C8orf74: variants seen among roughly 807,000 people sequenced by gnomAD.
The protein encoded by C8orf74 is uncharacterized protein C8orf74.
A neutral mutation model predicts 22.2 loss-of-function variants in C8orf74; 29 were observed. The observed-to-expected ratio is 1.31, with a 90% CI of 0.97 to 1.78. The LOEUF (loss-of-function observed/expected upper bound fraction) is 1.78, where lower values mean the gene tolerates loss of function less well. Ranked by LOEUF, C8orf74 falls within the 40% of genes most tolerant of loss-of-function variation. The pLI is 0.00. For synonymous variants in C8orf74, 255 were observed against 163.1 expected (o/e 1.56, Z -4.30); for missense variants, 515 against 369.9 (o/e 1.39, Z -3.22).
rs1271686530 is a variant in C8orf74 at position 10,700,306 on chromosome 8, G to A, written c.720G>A (p.Gln240=). Residue 240 remains glutamine (Q), a synonymous_variant, in exon 4 of 4, where the codon CAG becomes CAA. Transcript: ENST00000304519. ...TCCTGCAGGAGCTGCTGCAGCGCCA[G>A]ATCCAGAACACATTCGCCATCTTGG... is the stretch of plus-strand genomic sequence containing the variant. ...MELLQELLQR[Q]IQNTFAILDL... is the part of the protein sequence containing the mutation. 1 of 1,613,826 alleles carries A rather than the reference G, an allele frequency of 6.2e-7. No homozygotes were observed. The highest frequency in any genetic ancestry group is 1.7e-5 in the Admixed American group (1 of 60,004).
intron 2 of C8orf74, among the ~76,000 whole-genome samples, 153 bp from the exon 3 acceptor site, chr8:10,697,446 C>G (rs1799546264): frequency 1.3e-5 from 2 of 151,954 alleles, no homozygotes; most frequent in African/African-American, 4.8e-5. Flanking sequence ...TAGACCCCGT[C>G]TCAAAAAAAA....
chr8:10,674,623 A>G (rs1246231995), intron 1 of C8orf74, 23 bp from the exon 2 acceptor site: 2 of 1,574,934 alleles, frequency 1.3e-6, no homozygotes, highest in Non-Finnish European at 1.7e-6. Flanking sequence ...CATACCCTGC[A>G]GTTCCCATGT....
At chr8:10,673,713 G>A (rs1303186967) in intron 1 of C8orf74, 1 of 153,882 alleles carries the variant, frequency 6.5e-6, no homozygotes. Flanking sequence ...CCCAGGAGGA[G>A]GGAGTGCTGC....
rs114860970 is a variant in C8orf74 at position 10,697,199 on chromosome 8, G to T, written c.242-400G>T. ...CACACCTGTAATTCCAGTACTTTAG[G>T]AGGCCGAGGCAGGAGGATCGCTTGA... On this transcript the variant is annotated intron_variant, in intron 2 of 3. Transcript: ENST00000304519. 9.0e-3 allele frequency among the ~76,000 whole-genome samples: 1,378 copies of T among 152,270 alleles called. 27 individuals carry two copies. Among genetic ancestry groups the T allele is most frequent in the African/African-American group, 0.032 (1,316 of 41,538 alleles).
At position 10,697,937 on chromosome 8, in the gene C8orf74, G is replaced by T; in HGVS notation, c.580G>T (p.Glu194Ter). 6.3e-7 allele frequency: 1 copy of T among 1,583,700 alleles called. No individual in the cohort carries two copies. Residue 194 changes from glutamate (E) to a stop codon, truncating the protein, a stop_gained, in exon 3 of 4, where the codon GAG becomes TAG. Transcript: ENST00000304519. LOFTEE classifies it high-confidence loss of function. ...GAAAGAGGCGCTGCGCCTGGAGCGG[G>T]AGAACTCGCTGCAGAAGGCGTTCGC... The part of the protein sequence containing the change: ...LLKEALRLER[E>*]NSLQKAFAAA...
chr8:10,686,231 T>TCTCCTTGGAGTTG (rs1799259945), intron 2 of C8orf74, among the ~76,000 whole-genome samples: 1 of 152,214 alleles, frequency 6.6e-6, no homozygotes, highest in African/African-American at 2.4e-5. Flanking sequence ...TGTGTTGTAC[T>TCTCCTTGGAGTTG]CTCCTTGGAG....
intron 2 of C8orf74, chr8:10,690,812 C>A (rs11989230): frequency 0.012 from 5,234 of 453,614 alleles, 217 homozygotes; most frequent in African/African-American, 0.095. Context: ...AGCAAGCCTC[C>A]CCCGCCCTTC....
At chr8:10,699,162 C>T (rs540434769) in intron 3 of C8orf74, among the ~76,000 whole-genome samples, 188 of 152,302 alleles carry the variant, frequency 1.2e-3, no homozygotes, top group African/African-American at 4.2e-3. Context: ...CCACAGTGGC[C>T]CCTACTGCCC....
intron 2 of C8orf74, among the ~76,000 whole-genome samples, chr8:10,681,016 G>C (rs1414714658): frequency 2.6e-5 from 4 of 151,540 alleles, no homozygotes; most frequent in African/African-American, 9.7e-5. Flanking sequence ...TGTTAATCTG[G>C]AGCTAAGGAT....
intron 2 of C8orf74, among the ~76,000 whole-genome samples, chr8:10,680,813 C>T (rs991162817): frequency 2.0e-5 from 3 of 152,196 alleles, no homozygotes; most frequent in African/African-American, 7.2e-5. Context: ...GCTGGCAAGT[C>T]AGGTCCCTGG....
At chr8:10,680,883 A>G (rs1394516280) in intron 2 of C8orf74, among the ~76,000 whole-genome samples, 1 of 152,126 alleles carries the variant, frequency 6.6e-6, no homozygotes, top group Non-Finnish European at 1.5e-5. Flanking sequence ...CATTGTCCCC[A>G]TTTCAGAATG....
chr8:10,679,906 C>G (rs1477912610), intron 2 of C8orf74: 1 of 152,640 alleles, frequency 6.6e-6, no homozygotes, highest in Non-Finnish European at 1.5e-5. Context: ...CCACAGGCCT[C>G]CCTGGAGTCC....
intron 2 of C8orf74, chr8:10,687,108 C>T (rs1382147645): frequency 6.6e-6 from 3 of 456,146 alleles, no homozygotes; most frequent in Non-Finnish European, 1.3e-5. Flanking sequence ...CACAGCCCAC[C>T]AGCTGTGTAG....
rs114325755 is a variant in C8orf74, at chr8:10,691,411, C to T, written c.242-6188C>T. The T allele has an allele frequency of 8.7e-3, 1,388 of 158,704 alleles. 28 individuals are homozygous for T. Among genetic ancestry groups the T allele is most frequent in the African/African-American group, 0.032 (1,323 of 41,864 alleles). The allele number at this position is 158,704 out of a possible 1,614,324, so 9.8% of individuals were successfully genotyped here. A position where few individuals can be genotyped will look rare whatever the true frequency, so the allele number is the denominator to read the frequency against. On this transcript the variant is annotated intron_variant, in intron 2 of 3. Coordinates refer to ENST00000304519, the MANE Select transcript of C8orf74 (RefSeq NM_001040032.2). The stretch of plus-strand genomic sequence containing the variant: ...ACAGAAGGGCTCAGAGGCTGGCCTT[C>T]GCCAATGAGGCAGACACAGCCACCC...
intron 2 of C8orf74, chr8:10,690,841 T>G: frequency 2.2e-6 from 1 of 452,768 alleles, no homozygotes; most frequent in Non-Finnish European, 4.4e-6. Context: ...ATTCCTCTCC[T>G]CCTCCACTCG....
chr8:10,691,971 C>T (rs1484739910), intron 2 of C8orf74: 1 of 152,680 alleles, frequency 6.5e-6, no homozygotes, highest in Non-Finnish European at 1.5e-5. Context: ...CACTTCCGGC[C>T]TTCACTGCTC....
chr8:10,694,146 T>C (rs1799440912), intron 2 of C8orf74, among the ~76,000 whole-genome samples: 1 of 152,116 alleles, frequency 6.6e-6, no homozygotes, highest in African/African-American at 2.4e-5. Context: ...TCTGTTCCTC[T>C]TTACTATGCA....
rs904398379 is a variant in C8orf74 at position 10,674,663 on chromosome 8, G to A, written c.66G>A (p.Glu22=). ...CCCTGCAGAGACCACAAGGTCGGGA[G>A]CGCCTGCGGAGGCTTCTGAACTGGG... The part of the protein sequence containing the change: ...VFQLQRPQGR[E]RLRRLLNWEE... The change falls in exon 2 of 4, where the codon GAG becomes GAA. Residue 22 remains glutamate, a synonymous_variant. Coordinates refer to ENST00000304519, the MANE Select transcript of C8orf74 (RefSeq NM_001040032.2). The A allele has an allele frequency of 3.7e-6, 6 of 1,609,084 alleles. No individual in the cohort carries two copies. Among genetic ancestry groups the A allele is most frequent in the Non-Finnish European group, 8.5e-7 (1 of 1,177,928 alleles).
intron 2 of C8orf74, chr8:10,691,207 C>A (rs928363260): frequency 3.0e-5 from 10 of 332,080 alleles, no homozygotes; most frequent in South Asian, 1.5e-4. Context: ...AGGACAAGGT[C>A]TACACTTGGT....
Sources: allele counts gnomAD v4.1 joint callset (sites outside exome capture counted in the v4.1 genomes callset), GRCh38; gene constraint gnomAD v4.1.1; transcripts MANE v1.5; gene names NCBI Gene and HGNC (gene_info 2026-07-23, HGNC 2026-07-21).